Variants in NUMBL observed in about 807,000 individuals in gnomAD.
The protein encoded by NUMBL is NUMB like endocytic adaptor protein, also known as numb-like protein.
Under a neutral mutation model 48.9 loss-of-function variants are expected in NUMBL, and 20 were observed. That is an observed-to-expected ratio of 0.41 (90% CI 0.29 to 0.59). NUMBL has a LOEUF of 0.59. Ranked by LOEUF, NUMBL falls within the 20% of genes least tolerant of loss-of-function variation. The pLI is 0.31. For synonymous variants in NUMBL, 340 were observed against 348.7 expected (o/e 0.98, Z 0.28); for missense variants, 660 against 846.2 (o/e 0.78, Z 2.73).
chr19:40,678,221 G>A lies in NUMBL; in HGVS notation c.541-800C>T, dbSNP rs114423605. On this transcript the variant is annotated intron_variant, in intron 6 of 9. Coordinates refer to ENST00000252891, the MANE Select transcript of NUMBL (RefSeq NM_004756.5). ...CTCTGATGCTATGCTGGAGTGCAGC[G>A]GCATGACCTCAGCTCACTGCAACCT... Among the ~76,000 whole-genome samples the A allele has an allele frequency of 8.4e-3, 1,284 of 152,088 alleles. 22 individuals carry two copies. The highest frequency in any genetic ancestry group is 0.029 in the African/African-American group (1,183 of 41,470).
rs115001049 is a variant in NUMBL at position 40,675,906 on chromosome 19, C to T, written c.730+1326G>A. On this transcript the variant is annotated intron_variant, in intron 7 of 9. Transcript: ENST00000252891. ...AGACAGGGTCTCACTCTGTCTGTCA[C>T]CCAGGTTGGAGTGTGGTGGTGCAAT... 5.6e-3 allele frequency among the ~76,000 whole-genome samples: 844 copies of T among 151,526 alleles called. 4 individuals carry two copies. The highest frequency in any genetic ancestry group is 0.019 in the African/African-American group (781 of 41,266).
chr19:40,675,549 TC>T (rs1391339736), intron 7 of NUMBL, among the ~76,000 whole-genome samples: 2 of 148,768 alleles, frequency 1.3e-5, no homozygotes, highest in African/African-American at 5.0e-5. Context: ...ATATGGTGAC[TC>T]AGGACATACA....
rs558219797 is a variant in NUMBL at position 40,668,228 on chromosome 19, A to G, written c.1160-90T>C. 1.7e-5 allele frequency: 25 copies of G among 1,464,378 alleles called. No homozygotes were observed. In the Admixed American group the frequency reaches 4.4e-4, roughly 26 times the overall value. The allele number at this position is 1,464,378 out of a possible 1,614,324, so 90.7% of individuals were successfully genotyped here. On this transcript the variant is annotated intron_variant, in intron 9 of 9. Coordinates refer to ENST00000252891, the MANE Select transcript of NUMBL (RefSeq NM_004756.5). ...GGAACTGGCATGGTGTGGGGATCAG[A>G]GCACGGACTCTGGAGCCAGACCGCC...
chr19:40,669,120 T>C (rs1267545339), intron 9 of NUMBL, among the ~76,000 whole-genome samples: 2 of 152,108 alleles, frequency 1.3e-5, no homozygotes, highest in African/African-American at 4.8e-5. Flanking sequence ...CCCGTATCTC[T>C]AAGATAATTC....
intron 8 of NUMBL, 55 bp from the exon 9 acceptor site, chr19:40,670,075 C>T: frequency 3.2e-6 from 5 of 1,582,098 alleles, no homozygotes; most frequent in Non-Finnish European, 4.3e-6. Flanking sequence ...CTGCCGCAGC[C>T]CCGCCCTCTA....
At chr19:40,680,734 C>T (rs1433005399) in intron 6 of NUMBL, among the ~76,000 whole-genome samples, 183 bp downstream of exon 6, 10 of 152,222 alleles carry the variant, frequency 6.6e-5, no homozygotes, top group Admixed American at 2.0e-4. Flanking sequence ...CAGGTGTGAG[C>T]CACTGCACCC....
chr19:40,683,865 C>A (rs1467178807), intron 3 of NUMBL, among the ~76,000 whole-genome samples: 4 of 152,054 alleles, frequency 2.6e-5, no homozygotes, highest in Non-Finnish European at 4.4e-5. Flanking sequence ...CAGCCTCGAC[C>A]TTCCTGGACT....
At chr19:40,685,616 T>C (rs2081930385) in intron 2 of NUMBL, 1 of 153,858 alleles carries the variant, frequency 6.5e-6, no homozygotes, top group African/African-American at 2.4e-5. Flanking sequence ...TTGTTGTCTA[T>C]GAGAACTTGT....
At chr19:40,690,271 G>A (rs1220397042) in intron 1 of NUMBL, 189 bp downstream of exon 1, 1 of 375,214 alleles carries the variant, frequency 2.7e-6, no homozygotes, top group Non-Finnish European at 4.7e-6. Flanking sequence ...ATGGCCCAGG[G>A]GTCTGTGCCC....
At position 40,677,433 on chromosome 19, in the gene NUMBL, G is replaced by T; in HGVS notation, c.541-12C>A. 1 of 1,603,470 alleles carries T rather than the reference G, an allele frequency of 6.2e-7. No individual in the cohort carries two copies. The highest frequency in any genetic ancestry group is 8.5e-7 in the Non-Finnish European group (1 of 1,178,238). On this transcript the variant is annotated splice_polypyrimidine_tract_variant and intron_variant, in intron 6 of 9. Coordinates refer to ENST00000252891, the MANE Select transcript of NUMBL (RefSeq NM_004756.5). ...CTCAGCCTCTCGCCCTATGGGGAGA[G>T]GATGGGCGGGGGGGTTAGAGGCGCT...
rs936324626 is a variant in NUMBL, at chr19:40,688,230, C to A, written c.25-1235G>T. ...GCTGTACCATGTCACTCCAATGCAG[C>A]GAAACATATAGCCTTTCTTCATGCA... On this transcript the variant is annotated intron_variant, in intron 1 of 9. Coordinates refer to ENST00000252891, the MANE Select transcript of NUMBL (RefSeq NM_004756.5). This position sits in a 1 kb window ranked among gnomAD's most constrained non-coding sequence, Gnocchi z 4.6. 6.6e-6 allele frequency among the ~76,000 whole-genome samples: 1 copy of A among 152,184 alleles called. No homozygotes were observed. The highest frequency in any genetic ancestry group is 1.5e-5 in the Non-Finnish European group (1 of 68,032).
At position 40,687,103 on chromosome 19, in the gene NUMBL, C is replaced by T. The variant is rs1599915946; in HGVS notation, c.25-108G>A. ...GCCAGCCCCCTCCATCTTGGGCTCC[C>T]TGATGAGAGTCCTAGTTGTCCTAGC... On this transcript the variant is annotated intron_variant, in intron 1 of 9. Coordinates refer to ENST00000252891, the MANE Select transcript of NUMBL (RefSeq NM_004756.5). This position sits in a 1 kb window ranked among gnomAD's most constrained non-coding sequence, Gnocchi z 4.6. 5 of 636,576 alleles carry T rather than the reference C, an allele frequency of 7.9e-6. No individual in the cohort carries two copies. In the East Asian group the frequency reaches 1.5e-4, roughly 19 times the overall value. The allele number at this position is 636,576 out of a possible 1,614,324, so 39.4% of individuals were successfully genotyped here.
chr19:40,680,617 T>A (rs2081900112), intron 6 of NUMBL, among the ~76,000 whole-genome samples: 1 of 152,032 alleles, frequency 6.6e-6, no homozygotes, highest in South Asian at 2.1e-4. Context: ...CCTAGCTAAT[T>A]TTTTGTATTT....
In NUMBL at chr19:40,673,764, C is replaced by T; in HGVS notation, c.731-115G>A. The T allele has an allele frequency of 1.0e-6, 1 of 990,024 alleles. No individual in the cohort carries two copies. Among genetic ancestry groups the T allele is most frequent in the Non-Finnish European group, 1.4e-6 (1 of 697,006 alleles). 61.3% of individuals were successfully genotyped at this position (990,024 alleles called of 1,614,324 possible). A position where few individuals can be genotyped will look rare whatever the true frequency, so the allele number is the denominator to read the frequency against. On this transcript the variant is annotated intron_variant, in intron 7 of 9. Coordinates refer to ENST00000252891, the MANE Select transcript of NUMBL (RefSeq NM_004756.5). This position sits in a 1 kb window ranked among gnomAD's most constrained non-coding sequence, Gnocchi z 5.9. Reference sequence around the variant, plus strand: ...TGCCTTCCTTGCCCAGTGAGTCCTGCCCTTAAGACAAGCTAGTCAAAGCCC... The same window carrying T: ...TGCCTTCCTTGCCCAGTGAGTCCTGTCCTTAAGACAAGCTAGTCAAAGCCC...
chr19:40,668,220 G>T, intron 9 of NUMBL, 82 bp from the exon 10 acceptor site: 1 of 1,484,420 alleles, frequency 6.7e-7, no homozygotes, highest in South Asian at 1.4e-5. Context: ...GCATGGTGTG[G>T]GGATCAGAGC....
At chr19:40,681,699 G>A (rs1036208071) in intron 5 of NUMBL, among the ~76,000 whole-genome samples, 1 of 152,066 alleles carries the variant, frequency 6.6e-6, no homozygotes, top group African/African-American at 2.4e-5. Context: ...CCCAGAAGGA[G>A]TCTTGCTCTG....
intron 8 of NUMBL, among the ~76,000 whole-genome samples, chr19:40,670,431 A>G (rs984739638): frequency 6.6e-6 from 1 of 152,200 alleles, no homozygotes; most frequent in Non-Finnish European, 1.5e-5. Flanking sequence ...AGCTTTGGGC[A>G]GAGAAGTGGG....
At chr19:40,679,087 G>A (rs989581633) in intron 6 of NUMBL, among the ~76,000 whole-genome samples, 4 of 151,926 alleles carry the variant, frequency 2.6e-5, no homozygotes, top group South Asian at 2.1e-4. Context: ...GCGAGACTCC[G>A]TCTCAAAAAA....
At position 40,681,893 on chromosome 19, in the gene NUMBL, G is replaced by A. The variant is rs180857112; in HGVS notation, c.399+835C>T. On this transcript the variant is annotated intron_variant, in intron 5 of 9. Transcript: ENST00000252891. ...TCACCATCTTGGCCAGGCTAGTCTC[G>A]AACTCGTGACCTCAGGTGATCCAAC... Among the ~76,000 whole-genome samples the A allele has an allele frequency of 2.1e-3, 318 of 152,138 alleles. 1 individual carries two copies. The highest frequency in any genetic ancestry group is 3.5e-3 in the Non-Finnish European group (241 of 68,004).
Sources: gnomAD v4.1 joint callset for allele counts (sites outside exome capture counted in the v4.1 genomes callset) on GRCh38, gnomAD v4.1.1 for gene constraint, Gnocchi (gnomAD v3.1) non-coding constraint, MANE v1.5 for transcripts, NCBI Gene and HGNC (gene_info 2026-07-23, HGNC 2026-07-21) for gene names.